The following LPP variants were observed in gnomAD, a reference collection of about 807,000 sequenced individuals.
LPP encodes lipoma-preferred partner.
LPP carries 38 observed loss-of-function variants against 60.4 expected under a neutral mutation model. That is an observed-to-expected ratio of 0.63 (90% CI 0.49 to 0.83). The LOEUF (loss-of-function observed/expected upper bound fraction) is 0.83, where lower values mean the gene tolerates loss of function less well. Ranked by LOEUF, LPP falls within the 40% of genes least tolerant of loss-of-function variation. The pLI is 0.00. For synonymous variants in LPP, 328 were observed against 290.8 expected, an observed-to-expected ratio of 1.13 and a Z score of -1.30; for missense variants, 902 against 783.6, an observed-to-expected ratio of 1.15 and a Z score of -1.80.
chr3:188,744,900 C>T (rs1275416378), intron 8 of LPP, among the ~76,000 whole-genome samples: 3 of 152,070 alleles, frequency 2.0e-5, no homozygotes, highest in African/African-American at 7.2e-5. Flanking sequence ...CCTCCCATTC[C>T]TACCTGCCCT....
chr3:188,370,154 C>G (rs150089762), intron 3 of LPP, among the ~76,000 whole-genome samples: 4 of 152,184 alleles, frequency 2.6e-5, no homozygotes, highest in Non-Finnish European at 5.9e-5. Context: ...TCTTGAACTC[C>G]TGACCTCTTG....
At chr3:188,318,882 C>T (rs1330762761) in intron 2 of LPP, among the ~76,000 whole-genome samples, 1 of 149,782 alleles carries the variant, frequency 6.7e-6, no homozygotes, top group Non-Finnish European at 1.5e-5. Context: ...CCTCAGCCTC[C>T]CAAGTAGCTG....
chr3:188,591,529 T>A (rs181578335), intron 6 of LPP, among the ~76,000 whole-genome samples: 2 of 152,318 alleles, frequency 1.3e-5, no homozygotes, highest in Non-Finnish European at 2.9e-5. Context: ...TCTGACAGTA[T>A]TTGTTCTGTA....
chr3:188,838,743 A>G (rs1298520428), intron 9 of LPP, among the ~76,000 whole-genome samples: 2 of 152,178 alleles, frequency 1.3e-5, no homozygotes, highest in Admixed American at 1.3e-4. Context: ...ATCCTCAGCA[A>G]ACTAACACAG....
chr3:188,524,262 C>T (rs1819836798), intron 5 of LPP, among the ~76,000 whole-genome samples: 1 of 152,198 alleles, frequency 6.6e-6, no homozygotes, highest in Admixed American at 6.5e-5. Flanking sequence ...TGTCCGTGTT[C>T]CTTCCCTGCT....
chr3:188,266,750 G>A (rs1431464276), intron 2 of LPP, among the ~76,000 whole-genome samples: 6 of 152,034 alleles, frequency 3.9e-5, no homozygotes, highest in Admixed American at 2.0e-4. Context: ...ATTGCCATGC[G>A]GGTGGCTCTC....
At chr3:188,158,475 A>G (rs1717200495) in intron 1 of LPP, among the ~76,000 whole-genome samples, 2 of 152,122 alleles carry the variant, frequency 1.3e-5, no homozygotes, top group South Asian at 4.1e-4. Flanking sequence ...GTGCATTCTA[A>G]ATGTTGGTCA....
chr3:188,282,009 G>T (rs892977388), intron 2 of LPP, among the ~76,000 whole-genome samples: 1 of 151,858 alleles, frequency 6.6e-6, no homozygotes, highest in African/African-American at 2.4e-5. Flanking sequence ...TTTGGGAGAC[G>T]TTTCTTCCCT....
At chr3:188,376,210 GT>G (rs1775028425) in intron 3 of LPP, among the ~76,000 whole-genome samples, 2 of 151,948 alleles carry the variant, frequency 1.3e-5, no homozygotes, top group Admixed American at 6.6e-5. Context: ...TTCTGTAGAT[GT>G]CTATTAGGTC....
chr3:188,829,298 A>G (rs1261016509), intron 9 of LPP, among the ~76,000 whole-genome samples: 2 of 152,136 alleles, frequency 1.3e-5, no homozygotes, highest in Admixed American at 6.6e-5. Context: ...CCTTGTCTCA[A>G]TGACCTGCCT....
chr3:188,441,609 C>CTTT (rs1004222826), intron 4 of LPP, among the ~76,000 whole-genome samples: 43 of 55,668 alleles, frequency 7.7e-4, no homozygotes, highest in Non-Finnish European at 1.0e-3. Context: ...CTTTTCTTTT[C>CTTT]TTTTTTTTTT....
chr3:188,843,970 T>C (rs1760814613), intron 9 of LPP, among the ~76,000 whole-genome samples: 1 of 152,088 alleles, frequency 6.6e-6, no homozygotes, highest in South Asian at 2.1e-4. Flanking sequence ...AGAAGAAATA[T>C]TGTCTAAAGA....
At chr3:188,512,592 T>TAAATAA (rs1202000749) in intron 5 of LPP, among the ~76,000 whole-genome samples, 4 of 151,402 alleles carry the variant, frequency 2.6e-5, no homozygotes, top group African/African-American at 9.7e-5. Context: ...AATAAATAAA[T>TAAATAA]AAAGTTCCCA....
chr3:188,733,168 T>C (rs62291295), intron 8 of LPP, among the ~76,000 whole-genome samples: 10,218 of 152,184 alleles, frequency 0.067, 347 homozygotes, highest in African/African-American at 0.082. Flanking sequence ...AAGTCTCATA[T>C]GTGACTGTGG....
At chr3:188,216,961 T>G (rs961564994) in intron 1 of LPP, among the ~76,000 whole-genome samples, 1 of 152,232 alleles carries the variant, frequency 6.6e-6, no homozygotes, top group Non-Finnish European at 1.5e-5. Flanking sequence ...TTATTAAATC[T>G]TTATTGAGTT....
rs368495241 is a variant in LPP at position 188,609,292 on chromosome 3, G to A, written c.561G>A (p.Gln187=). 239 of 1,613,910 alleles carry A rather than the reference G, an allele frequency of 1.5e-4. No homozygotes were observed. Among genetic ancestry groups the A allele is most frequent in the Middle Eastern group, 1.3e-3 (8 of 6,084 alleles). ...KSTLKPQPAP[Q]AGPIPVAPIG... ...CATTGAAACCACAGCCTGCACCCCA[G>A]GCTGGACCCATCCCTGTGGCTCCAA... The change falls in exon 7 of 12, where the codon CAG becomes CAA. Residue 187 remains glutamine, a synonymous_variant. Transcript: ENST00000617246. The surrounding 1 kb of genome is among the most constrained non-coding windows in gnomAD (Gnocchi z 6.9).
rs1768448248 is a variant in LPP at position 188,872,731 on chromosome 3, C to A, written c.1678C>A (p.Arg560=). 6.2e-7 allele frequency: 1 copy of A among 1,614,130 alleles called. No individual in the cohort carries two copies. The highest frequency in any genetic ancestry group is 8.5e-7 in the Non-Finnish European group (1 of 1,180,002). Residue 560 remains arginine, a synonymous_variant, in exon 11 of 12, where the codon CGA becomes AGA. Transcript: ENST00000617246. ...GACTGTCCGTATTGTGGCTTTGGAT[C>A]GAGATTTCCATGTTCACTGCTACCG... ...EETVRIVALD[R]DFHVHCYRCE... is the part of the protein sequence containing the mutation.
Position 188,245,217 on chromosome 3 carries a change from A to G in LPP, c.-67+19690A>G, listed in dbSNP as rs371747995. On this transcript the variant is annotated intron_variant, in intron 2 of 11. Transcript: ENST00000617246. ...AACCTCTGCCTCCCGGGTTCAAGCA[A>G]TTCTCCTGCCTCAGCCTCCCAAGTA... 4.2e-4 allele frequency among the ~76,000 whole-genome samples: 64 copies of G among 151,312 alleles called. No individual in the cohort carries two copies. The South Asian group carries it at 0.013, about 31-fold the overall frequency.
chr3:188,433,851 T>C (rs1316982417), intron 4 of LPP, among the ~76,000 whole-genome samples: 2 of 152,132 alleles, frequency 1.3e-5, no homozygotes, highest in African/African-American at 4.8e-5. Flanking sequence ...TCTCTTGGTG[T>C]TATCTTTTTT....
Sources: gnomAD v4.1 joint callset for allele counts (sites outside exome capture counted in the v4.1 genomes callset) on GRCh38, gnomAD v4.1.1 for gene constraint, Gnocchi (gnomAD v3.1) non-coding constraint, MANE v1.5 for transcripts, NCBI Gene and HGNC (gene_info 2026-07-23, HGNC 2026-07-21) for gene names.